Variants in CACNA1A observed in about 807,000 individuals in gnomAD.
CACNA1A encodes voltage-dependent P/Q-type calcium channel subunit alpha-1A.
Under a neutral mutation model 262.4 loss-of-function variants are expected in CACNA1A, and 57 were observed. The ratio of observed to expected loss-of-function variants is 0.22; its 90% CI spans 0.18 to 0.27. The LOEUF is 0.27. Among genes scored for constraint, CACNA1A ranks in the 10% least tolerant of loss-of-function variants. The pLI, the probability that CACNA1A is intolerant of heterozygous loss-of-function variation, is 1.00. For synonymous variants in CACNA1A, 1,431 were observed against 1,419.3 expected (o/e 1.01, Z -0.18); for missense variants, 2,526 against 3,562.8 (o/e 0.71, Z 7.41).
chr19:13,349,120 C>A (rs1219311586), intron 6 of CACNA1A, among the ~76,000 whole-genome samples: 1 of 151,718 alleles, frequency 6.6e-6, no homozygotes, highest in African/African-American at 2.4e-5. Flanking sequence ...TGAACCCTGG[C>A]TTTGTCACTC....
intron 1 of CACNA1A, among the ~76,000 whole-genome samples, chr19:13,503,266 T>C (rs1295700221): frequency 6.6e-6 from 1 of 152,088 alleles, no homozygotes; most frequent in Admixed American, 6.5e-5. Flanking sequence ...AGGTGAGCGG[T>C]ACCCTTGTTG....
intron 29 of CACNA1A, 105 bp downstream of exon 29, chr19:13,254,990 G>C: frequency 8.5e-7 from 1 of 1,182,618 alleles, no homozygotes; most frequent in Non-Finnish European, 1.2e-6. Flanking sequence ...AGGTGATCCA[G>C]AGTGTGGTCT....
chr19:13,477,070 C>T (rs1978636049), intron 1 of CACNA1A, among the ~76,000 whole-genome samples: 1 of 152,130 alleles, frequency 6.6e-6, no homozygotes, highest in South Asian at 2.1e-4. Flanking sequence ...CTTATCCTTG[C>T]ACCTTCCCTC....
chr19:13,208,626 C>T, intron 46 of CACNA1A, 130 bp downstream of exon 46: 1 of 1,194,898 alleles, frequency 8.4e-7, no homozygotes, highest in Non-Finnish European at 1.1e-6. Context: ...GGCTTGGGGG[C>T]AGGATGGGAG....
chr19:13,345,877 GCTGT>G (rs144347013), intron 6 of CACNA1A, among the ~76,000 whole-genome samples: 250 of 146,252 alleles, frequency 1.7e-3, no homozygotes, highest in African/African-American at 6.1e-3. Context: ...AATTATATAG[GCTGT>G]CTGTTCACGA....
intron 6 of CACNA1A, among the ~76,000 whole-genome samples, chr19:13,341,496 C>G (rs1269357111): frequency 6.6e-6 from 1 of 152,236 alleles, no homozygotes; most frequent in Non-Finnish European, 1.5e-5. Context: ...ACCCTCCCAT[C>G]TCCTTGCTTT....
At position 13,299,049 on chromosome 19, in the gene CACNA1A, C is replaced by T. The variant is rs1283974516; in HGVS notation, c.2584G>A (p.Ala862Thr). 1.2e-6 allele frequency: 2 copies of T among 1,602,550 alleles called. No homozygotes were observed. The highest frequency in any genetic ancestry group is 1.7e-6 in the Non-Finnish European group (2 of 1,178,220). The change falls in exon 19 of 47, where the codon GCC becomes ACC. Residue 862 changes from alanine to threonine, a missense_variant. Ala to Thr is a moderately conservative substitution (Grantham distance 58). Coordinates refer to ENST00000360228, the MANE Select transcript of CACNA1A (RefSeq NM_001127222.2). ...TCCCGGGCCCGATCGTGGTAGCGGG[C>T]CTGTTTCCTGAGGAAGTCCTCGGCG... ...QRAEDFLRKQ[A>T]RYHDRARDPS...
At chr19:13,242,915 C>G (rs998349946) in intron 31 of CACNA1A, among the ~76,000 whole-genome samples, 2 of 152,182 alleles carry the variant, frequency 1.3e-5, no homozygotes, top group Admixed American at 1.3e-4. Context: ...CTGCAAGGGT[C>G]CTGATGTCCC....
chr19:13,480,355 ATT>A (rs1568689149), intron 1 of CACNA1A, among the ~76,000 whole-genome samples: 1 of 152,076 alleles, frequency 6.6e-6, no homozygotes, highest in Non-Finnish European at 1.5e-5. Flanking sequence ...TAGTAAATAT[ATT>A]TTCTCTTCCT....
chr19:13,325,125 T>G (rs1358154602), intron 10 of CACNA1A, among the ~76,000 whole-genome samples: 1 of 136,448 alleles, frequency 7.3e-6, no homozygotes, highest in Non-Finnish European at 1.6e-5. Context: ...CCCCTTCCCA[T>G]TCCTCCTCCT....
chr19:13,208,737 C>A lies in CACNA1A; in HGVS notation c.6780+19G>T. 5.8e-6 allele frequency: 9 copies of A among 1,562,860 alleles called. No homozygotes were observed. Among genetic ancestry groups the A allele is most frequent in the Non-Finnish European group, 7.8e-6 (9 of 1,160,010 alleles). ...CTCCCGGCCGAGCCCAGCCTGGGGTCACTTGCAGCCGCACCCACCTGCCGG... is the reference window on the plus strand; with the variant it reads ...CTCCCGGCCGAGCCCAGCCTGGGGTAACTTGCAGCCGCACCCACCTGCCGG... On this transcript the variant is annotated intron_variant, in intron 46 of 46. Transcript: ENST00000360228.
At chr19:13,427,954 T>C (rs2060435728) in intron 3 of CACNA1A, among the ~76,000 whole-genome samples, 1 of 151,810 alleles carries the variant, frequency 6.6e-6, no homozygotes, top group South Asian at 2.1e-4. Context: ...TGTTTTTTTT[T>C]GTGTGTGTGA....
At chr19:13,377,252 G>A (rs555835009) in intron 3 of CACNA1A, among the ~76,000 whole-genome samples, 1 of 150,860 alleles carries the variant, frequency 6.6e-6, no homozygotes, top group South Asian at 2.1e-4. Context: ...GCGAGCCACT[G>A]TACCCAGCCA....
chr19:13,385,757 T>C (rs759111795), intron 3 of CACNA1A, among the ~76,000 whole-genome samples: 32 of 152,298 alleles, frequency 2.1e-4, no homozygotes, highest in East Asian at 5.8e-4. Flanking sequence ...TGGCATACAG[T>C]AGGCACTCAA....
intron 30 of CACNA1A, chr19:13,252,585 T>C (rs2056431556): frequency 6.5e-6 from 1 of 152,976 alleles, no homozygotes; most frequent in African/African-American, 2.4e-5. Context: ...AGACAGAGTT[T>C]CTCCATGTTG....
chr19:13,424,377 C>T (rs1382264971), intron 3 of CACNA1A, among the ~76,000 whole-genome samples: 1 of 152,080 alleles, frequency 6.6e-6, no homozygotes, highest in African/African-American at 2.4e-5. Context: ...CACAAACAAA[C>T]AAACAAACAA....
chr19:13,225,169 G>A (rs1237181506), intron 37 of CACNA1A: 3 of 175,166 alleles, frequency 1.7e-5, no homozygotes, highest in South Asian at 1.3e-4. Context: ...AAGGCTGAGG[G>A]GGCCAGGACC....
At chr19:13,259,743 G>A (rs2056678994) in intron 26 of CACNA1A, 42 bp from the exon 27 acceptor site, 3 of 1,602,058 alleles carry the variant, frequency 1.9e-6, no homozygotes, top group Non-Finnish European at 2.6e-6. Flanking sequence ...GGGAAAGAGG[G>A]GCTGTCTTGC....
intron 1 of CACNA1A, 64 bp from the exon 2 acceptor site, chr19:13,455,276 C>T (rs2060987347): frequency 1.1e-6 from 1 of 894,830 alleles, no homozygotes; most frequent in African/African-American, 1.6e-5. Context: ...TGCACCCACC[C>T]CCACTGACCC....
Sources: gnomAD v4.1 joint callset for allele counts (sites outside exome capture counted in the v4.1 genomes callset) on GRCh38, gnomAD v4.1.1 for gene constraint, MANE v1.5 for transcripts, NCBI Gene and HGNC (gene_info 2026-07-23, HGNC 2026-07-21) for gene names.